Variants in OSBPL10 observed in about 807,000 individuals in gnomAD.
The protein encoded by OSBPL10 is oxysterol binding protein like 10.
In OSBPL10, 49 loss-of-function variants were observed where a neutral mutation model predicts 81.7. The observed-to-expected ratio is 0.60, with a 90% confidence interval of 0.48 to 0.76. The LOEUF (loss-of-function observed/expected upper bound fraction) is 0.76, where lower values mean the gene tolerates loss of function less well. OSBPL10 is among the 30% of genes least tolerant of loss of function. The pLI, the probability that OSBPL10 is intolerant of heterozygous loss-of-function variation, is 0.00. For synonymous variants in OSBPL10, 419 were observed against 383.6 expected (o/e 1.09, Z -1.08); for missense variants, 923 against 987.8 (o/e 0.93, Z 0.88).
intron 2 of OSBPL10, among the ~76,000 whole-genome samples, chr3:31,878,815 A>G (rs10546963): frequency 0.036 from 4,953 of 136,484 alleles, 146 homozygotes; most frequent in African/African-American, 0.064. Flanking sequence ...CTGCGTGTCC[A>G]TGTGTGTGTG....
chr3:31,767,158 G>T (rs1698226189), intron 4 of OSBPL10, among the ~76,000 whole-genome samples: 1 of 152,160 alleles, frequency 6.6e-6, no homozygotes, highest in Admixed American at 6.6e-5. Flanking sequence ...CCACTGAGGA[G>T]CTCTGGATTT....
At chr3:31,915,837 T>C (rs1242133298) in intron 1 of OSBPL10, among the ~76,000 whole-genome samples, 3 of 152,090 alleles carry the variant, frequency 2.0e-5, no homozygotes, top group Non-Finnish European at 2.9e-5. Flanking sequence ...CTCACGCCTG[T>C]AATCCCAGCA....
At chr3:31,870,440 G>A (rs905623865) in intron 3 of OSBPL10, among the ~76,000 whole-genome samples, 2 of 152,220 alleles carry the variant, frequency 1.3e-5, no homozygotes, top group Admixed American at 6.5e-5. Flanking sequence ...TCCCCGACGA[G>A]CGCCGCCCCC....
Position 31,748,250 on chromosome 3 carries a change from G to C in OSBPL10, c.730-130C>G, listed in dbSNP as rs554312986. ...AACTCAGCGTGTTCGGTGCACATTC[G>C]TCTTTTGATAAATACTCAATCCTGG... On this transcript the variant is annotated intron_variant, in intron 4 of 11. Coordinates refer to ENST00000396556, the MANE Select transcript of OSBPL10 (RefSeq NM_017784.5). 1.1e-4 allele frequency: 88 copies of C among 788,046 alleles called. No homozygotes were observed. The East Asian group carries it at 1.8e-3, about 16-fold the overall frequency. 48.8% of individuals were successfully genotyped at this position (788,046 alleles called of 1,614,324 possible). A position where few individuals can be genotyped will look rare whatever the true frequency, so the allele number is the denominator to read the frequency against.
At chr3:31,715,247 C>G (rs1259610526) in intron 6 of OSBPL10, among the ~76,000 whole-genome samples, 4 of 152,178 alleles carry the variant, frequency 2.6e-5, no homozygotes, top group Admixed American at 6.5e-5. Context: ...TGGCACTAGC[C>G]ACATTCAGAC....
At chr3:31,863,727 A>C (rs1210808110) in intron 3 of OSBPL10, among the ~76,000 whole-genome samples, 2 of 152,236 alleles carry the variant, frequency 1.3e-5, no homozygotes, top group African/African-American at 4.8e-5. Flanking sequence ...AAAACTAAAA[A>C]TTCAGAAACA....
intron 1 of OSBPL10, among the ~76,000 whole-genome samples, chr3:31,892,948 C>T (rs1043528430): frequency 6.6e-6 from 1 of 152,070 alleles, no homozygotes; most frequent in Non-Finnish European, 1.5e-5. Context: ...GGTGGTTGAG[C>T]ACAACTGCAG....
chr3:31,988,942 T>G, intron 2 of OSBPL10: 75 of 1,127,076 alleles, frequency 6.7e-5, no homozygotes, highest in Middle Eastern at 3.0e-4. Flanking sequence ...ACAGCGACTG[T>G]GAGATAATCA....
chr3:31,783,115 A>T (rs571812698), intron 4 of OSBPL10, among the ~76,000 whole-genome samples: 181 of 16,256 alleles, frequency 0.011, 1 homozygote, highest in Non-Finnish European at 0.018. Flanking sequence ...TATCTATTAT[A>T]TATATATATA....
rs188304880 is a variant in OSBPL10 at position 31,838,955 on chromosome 3, A to G, written c.538-8724T>C. Among the ~76,000 whole-genome samples the G allele has an allele frequency of 1.4e-3, 208 of 152,334 alleles. 1 individual carries two copies. Among genetic ancestry groups the G allele is most frequent in the Non-Finnish European group, 2.0e-3 (138 of 68,022 alleles). ...GCATAGCATTTAATGTGCATTACTCAGGAATCATCTGTCTCCACAGCTTAC... is the reference window on the plus strand; with the variant it reads ...GCATAGCATTTAATGTGCATTACTCGGGAATCATCTGTCTCCACAGCTTAC... On this transcript the variant is annotated intron_variant, in intron 3 of 11. Transcript: ENST00000396556.
At chr3:31,666,298 T>C (rs959185397) in intron 10 of OSBPL10, among the ~76,000 whole-genome samples, 1 of 152,164 alleles carries the variant, frequency 6.6e-6, no homozygotes, top group African/African-American at 2.4e-5. Context: ...CTTACAGGTA[T>C]GGGAAGACCG....
intron 1 of OSBPL10, among the ~76,000 whole-genome samples, chr3:31,957,034 C>T (rs1293138626): frequency 6.6e-6 from 1 of 152,078 alleles, no homozygotes; most frequent in Non-Finnish European, 1.5e-5. Flanking sequence ...ATTCAGGAAA[C>T]TGAAGTGGGA....
intron 2 of OSBPL10, among the ~76,000 whole-genome samples, chr3:32,019,907 A>AT (rs1699346588): frequency 6.6e-6 from 1 of 152,132 alleles, no homozygotes; most frequent in Non-Finnish European, 1.5e-5. Context: ...ATCTTTGACT[A>AT]TTGTGGTGAG....
At chr3:31,892,116 G>A (rs529510793) in intron 1 of OSBPL10, among the ~76,000 whole-genome samples, 54 of 152,084 alleles carry the variant, frequency 3.6e-4, no homozygotes, top group African/African-American at 1.2e-3. Context: ...GTCTGGAGAC[G>A]GAGGAACTGA....
chr3:31,908,082 G>A (rs1189476199), intron 1 of OSBPL10, among the ~76,000 whole-genome samples: 1 of 152,102 alleles, frequency 6.6e-6, no homozygotes, highest in Non-Finnish European at 1.5e-5. Flanking sequence ...AAATAACTGT[G>A]TTTCAGGCAA....
intron 1 of OSBPL10, among the ~76,000 whole-genome samples, chr3:31,965,172 A>G (rs1049634546): frequency 4.0e-5 from 6 of 151,506 alleles, no homozygotes; most frequent in Non-Finnish European, 5.9e-5. Flanking sequence ...GATTGTGACC[A>G]TCCTGGCTAA....
At chr3:31,832,845 T>C (rs1473827766) in intron 3 of OSBPL10, among the ~76,000 whole-genome samples, 1 of 152,234 alleles carries the variant, frequency 6.6e-6, no homozygotes, top group Non-Finnish European at 1.5e-5. Flanking sequence ...TAGGTAGTCT[T>C]AGCCTCAGGC....
chr3:31,862,237 A>T (rs540028832), intron 3 of OSBPL10, among the ~76,000 whole-genome samples: 2 of 152,196 alleles, frequency 1.3e-5, no homozygotes, highest in Non-Finnish European at 2.9e-5. Context: ...GAATGCTGAC[A>T]GGAAAGCTTC....
At chr3:31,687,114 G>A (rs1281594825) in intron 7 of OSBPL10, among the ~76,000 whole-genome samples, 4 of 152,134 alleles carry the variant, frequency 2.6e-5, no homozygotes, top group African/African-American at 7.2e-5. Flanking sequence ...AAGTGACTCC[G>A]TCTCCTGCTC....
Sources: allele counts gnomAD v4.1 joint callset (sites outside exome capture counted in the v4.1 genomes callset), GRCh38; gene constraint gnomAD v4.1.1; transcripts MANE v1.5; gene names NCBI Gene and HGNC (gene_info 2026-07-23, HGNC 2026-07-21).